Variants in PTPRD observed in about 807,000 individuals in gnomAD.
PTPRD encodes the protein receptor-type tyrosine-protein phosphatase delta.
A neutral mutation model predicts 214.5 loss-of-function variants in PTPRD; 34 were observed. The observed-to-expected ratio is 0.16, with a 90% CI of 0.12 to 0.21. The LOEUF is 0.21. Among genes scored for constraint, PTPRD ranks in the 10% least tolerant of loss-of-function variants. PTPRD has a pLI of 1.00. For missense variants in PTPRD, 2,545 were observed against 2,398.7 expected, an observed-to-expected ratio of 1.06 and a Z score of -1.27; for synonymous variants, 1,128 against 845.7, an observed-to-expected ratio of 1.33 and a Z score of -5.79.
chr9:8,775,590 C>A (rs945914678), intron 11 of PTPRD, among the ~76,000 whole-genome samples: 10 of 152,018 alleles, frequency 6.6e-5, no homozygotes, highest in Non-Finnish European at 1.3e-4. Context: ...TTTATAATTT[C>A]AACTTTTATT....
chr9:10,342,976 A>G (rs970455858), intron 2 of PTPRD, among the ~76,000 whole-genome samples: 1 of 152,064 alleles, frequency 6.6e-6, no homozygotes, highest in African/African-American at 2.4e-5. Flanking sequence ...CTTGTTTGTT[A>G]CACACTTTTT....
chr9:10,361,904 G>A (rs571614985), intron 2 of PTPRD, among the ~76,000 whole-genome samples: 3 of 152,230 alleles, frequency 2.0e-5, no homozygotes, highest in African/African-American at 7.2e-5. Context: ...CAAATTAGAT[G>A]GGCACACATA....
chr9:8,340,500 A>G, intron 41 of PTPRD, 31 bp from the exon 42 acceptor site: 6 of 1,533,746 alleles, frequency 3.9e-6, no homozygotes, highest in Non-Finnish European at 4.4e-6. Context: ...AGAATGTGTT[A>G]AAGTATTTAG....
chr9:9,820,541 G>C (rs574317568), intron 5 of PTPRD, among the ~76,000 whole-genome samples: 1 of 152,238 alleles, frequency 6.6e-6, no homozygotes, highest in East Asian at 1.9e-4. Flanking sequence ...TGAGGGCTTA[G>C]TCATAAATTC....
At chr9:8,398,707 C>T (rs778449030) in intron 36 of PTPRD, among the ~76,000 whole-genome samples, 16 of 152,264 alleles carry the variant, frequency 1.1e-4, no homozygotes, top group South Asian at 2.1e-4. Context: ...TGTAAGGACA[C>T]AGCATTCTTT....
At chr9:8,408,072 CT>C (rs760266537) in intron 35 of PTPRD, among the ~76,000 whole-genome samples, 2 of 152,162 alleles carry the variant, frequency 1.3e-5, no homozygotes, top group African/African-American at 2.4e-5. Context: ...GACACAGTTG[CT>C]TTGCCTCTCT....
intron 3 of PTPRD, among the ~76,000 whole-genome samples, chr9:10,295,451 A>G (rs1259470471): frequency 6.6e-6 from 1 of 152,076 alleles, no homozygotes; most frequent in Non-Finnish European, 1.5e-5. Context: ...AGTATTTGTG[A>G]TAAGCCAAAA....
At position 9,479,226 on chromosome 9, in the gene PTPRD, C is replaced by A. The variant is rs188115861; in HGVS notation, c.-236-81744G>T. Reference sequence around the variant, plus strand: ...ACATACACACACACGCCCCCCCCCCCCCCACACACACACCCACCTCTAGCA... The same window carrying A: ...ACATACACACACACGCCCCCCCCCCACCCACACACACACCCACCTCTAGCA... On this transcript the variant is annotated intron_variant, in intron 8 of 45. Transcript: ENST00000381196. Among the ~76,000 whole-genome samples the A allele has an allele frequency of 9.6e-3, 1,059 of 110,716 alleles. 49 individuals are homozygous for A. Among genetic ancestry groups the A allele is most frequent in the African/African-American group, 0.029 (856 of 29,088 alleles). The allele number at this position is 110,716 out of a possible 152,430, so 72.6% of individuals were successfully genotyped here. A position where few individuals can be genotyped will look rare whatever the true frequency, so the allele number is the denominator to read the frequency against.
intron 32 of PTPRD, among the ~76,000 whole-genome samples, chr9:8,462,239 C>G (rs1012219629): frequency 1.3e-5 from 2 of 151,954 alleles, no homozygotes; most frequent in Non-Finnish European, 2.9e-5. Context: ...AGAATGGATA[C>G]TGATTTTACC....
chr9:8,522,625 G>A (rs762630101), intron 19 of PTPRD, among the ~76,000 whole-genome samples: 48 of 152,234 alleles, frequency 3.2e-4, no homozygotes, highest in Middle Eastern at 3.4e-3. Context: ...ACATAACACA[G>A]AAAAATTACC....
At chr9:10,272,205 T>A (rs112062185) in intron 3 of PTPRD, among the ~76,000 whole-genome samples, 1 of 152,202 alleles carries the variant, frequency 6.6e-6, no homozygotes, top group African/African-American at 2.4e-5. Context: ...TCATATAATA[T>A]GTGGTCTCCT....
intron 3 of PTPRD, among the ~76,000 whole-genome samples, chr9:10,044,207 A>G (rs61212023): frequency 1.5e-3 from 220 of 151,156 alleles, no homozygotes; most frequent in African/African-American, 5.0e-3. Flanking sequence ...AGTATTTTCA[A>G]CATGAGTAAG....
chr9:8,885,821 A>T (rs1443092374), intron 11 of PTPRD, among the ~76,000 whole-genome samples: 1 of 152,056 alleles, frequency 6.6e-6, no homozygotes, highest in African/African-American at 2.4e-5. Context: ...GAAAACCTGA[A>T]TGTACCCATG....
intron 12 of PTPRD, among the ~76,000 whole-genome samples, chr9:8,719,077 C>T (rs1232076351): frequency 2.0e-5 from 3 of 152,122 alleles, no homozygotes; most frequent in African/African-American, 7.2e-5. Context: ...TCTTCACAGA[C>T]CCCTTACAAC....
At chr9:10,280,734 T>G (rs1277053556) in intron 3 of PTPRD, among the ~76,000 whole-genome samples, 1 of 152,032 alleles carries the variant, frequency 6.6e-6, no homozygotes, top group Non-Finnish European at 1.5e-5. Context: ...CTCAGCCTCC[T>G]GAGTAGCTAG....
intron 5 of PTPRD, among the ~76,000 whole-genome samples, chr9:9,923,840 A>C (rs1006071198): frequency 6.6e-5 from 10 of 151,948 alleles, no homozygotes; most frequent in Admixed American, 2.0e-4. Context: ...TATTGAAATC[A>C]AGGAGAATGA....
chr9:9,077,425 A>T (rs2099752913), intron 10 of PTPRD, among the ~76,000 whole-genome samples: 1 of 152,094 alleles, frequency 6.6e-6, no homozygotes, highest in Non-Finnish European at 1.5e-5. Context: ...TTCCTAATGT[A>T]GTAAGTCTTT....
At chr9:9,271,776 A>T (rs948189910) in intron 9 of PTPRD, among the ~76,000 whole-genome samples, 4 of 151,390 alleles carry the variant, frequency 2.6e-5, no homozygotes, top group South Asian at 2.1e-4. Context: ...CATGGATTTT[A>T]AAAAAAGAAG....
chr9:8,719,306 C>T (rs765069907), intron 12 of PTPRD, among the ~76,000 whole-genome samples: 1 of 152,180 alleles, frequency 6.6e-6, no homozygotes. Context: ...TTTCTGCATA[C>T]ATTTTAAAGG....
Sources: gnomAD v4.1 joint callset for allele counts (sites outside exome capture counted in the v4.1 genomes callset) on GRCh38, gnomAD v4.1.1 for gene constraint, MANE v1.5 for transcripts, NCBI Gene and HGNC (gene_info 2026-07-23, HGNC 2026-07-21) for gene names.